Variants in DCUN1D2 observed in about 807,000 individuals in gnomAD.
DCUN1D2 encodes the protein defective in cullin neddylation 1 domain containing 2.
A neutral mutation model predicts 30.9 loss-of-function variants in DCUN1D2; 29 were observed. The ratio of observed to expected loss-of-function variants is 0.94; its 90% CI spans 0.70 to 1.28. The LOEUF (loss-of-function observed/expected upper bound fraction) is 1.28, where lower values mean the gene tolerates loss of function less well. Ranked by LOEUF, DCUN1D2 falls within the 50% of genes most tolerant of loss-of-function variation. DCUN1D2 has a pLI of 0.00. For synonymous variants in DCUN1D2, 121 were observed against 115.3 expected (o/e 1.05, Z -0.32); for missense variants, 325 against 316.9 (o/e 1.03, Z -0.19).
intron 3 of DCUN1D2, among the ~76,000 whole-genome samples, chr13:113,476,904 C>T (rs550463661): frequency 2.6e-5 from 4 of 152,208 alleles, no homozygotes; most frequent in East Asian, 1.9e-4. Context: ...ATTGAAAAAC[C>T]GTCTTTCTCC....
intron 2 of DCUN1D2, among the ~76,000 whole-genome samples, chr13:113,483,202 G>A (rs2044740004): frequency 6.6e-6 from 1 of 152,084 alleles, no homozygotes; most frequent in Non-Finnish European, 1.5e-5. Context: ...TGCTCATCAC[G>A]GCAGTCTCAG....
intron 6 of DCUN1D2, 29 bp downstream of exon 6, chr13:113,459,283 T>A: frequency 8.0e-7 from 1 of 1,246,944 alleles, no homozygotes; most frequent in Non-Finnish European, 1.2e-6. Context: ...AGCATTTCGG[T>A]CAATCATCTG....
rs541188937 is a variant in DCUN1D2, at chr13:113,469,508, C to T, written c.520+4616G>A. Among the ~76,000 whole-genome samples, 15 of 151,892 alleles carry T rather than the reference C, an allele frequency of 9.9e-5. No individual in the cohort carries two copies. In the East Asian group the frequency reaches 2.3e-3, roughly 24 times the overall value. The stretch of plus-strand genomic sequence containing the variant: ...CAGCCCGGGCAACACAGTAAAACTC[C>T]GTCCCTCCAAAAAAAGTTTAAAAAT... On this transcript the variant is annotated intron_variant, in intron 4 of 6. Coordinates refer to ENST00000478244, the MANE Select transcript of DCUN1D2 (RefSeq NM_001014283.2).
intron 3 of DCUN1D2, among the ~76,000 whole-genome samples, chr13:113,477,171 TAAAC>T (rs1409417138): frequency 1.3e-5 from 2 of 152,222 alleles, no homozygotes; most frequent in Admixed American, 1.3e-4. Flanking sequence ...AAATTACACA[TAAAC>T]AAACCCACTA....
intron 4 of DCUN1D2, 78 bp downstream of exon 4, chr13:113,474,046 C>T: frequency 6.5e-7 from 1 of 1,543,878 alleles, no homozygotes; most frequent in Admixed American, 1.8e-5. Context: ...CAGTTGGCTG[C>T]ACAAAAATCA....
chr13:113,469,923 T>C (rs551706196), intron 4 of DCUN1D2, among the ~76,000 whole-genome samples: 1 of 151,810 alleles, frequency 6.6e-6, no homozygotes, highest in East Asian at 1.9e-4. Context: ...AAACAAAACA[T>C]GAAACACCAC....
At chr13:113,461,517 A>G (rs1163763449) in intron 4 of DCUN1D2, among the ~76,000 whole-genome samples, 1 of 152,228 alleles carries the variant, frequency 6.6e-6, no homozygotes, top group Non-Finnish European at 1.5e-5. Flanking sequence ...CGAACTGCAA[A>G]TCAAAGGACC....
At chr13:113,484,311 T>C (rs2044764092) in intron 1 of DCUN1D2, 4 of 643,326 alleles carry the variant, frequency 6.2e-6, no homozygotes, top group East Asian at 8.3e-5. Flanking sequence ...CAGTTCACTC[T>C]GCATGAAGTG....
chr13:113,464,448 C>T (rs2044369075), intron 4 of DCUN1D2, among the ~76,000 whole-genome samples: 1 of 152,242 alleles, frequency 6.6e-6, no homozygotes, highest in African/African-American at 2.4e-5. Context: ...TACTGACCTT[C>T]CTTGAAACAT....
At chr13:113,471,546 A>G (rs2044515874) in intron 4 of DCUN1D2, among the ~76,000 whole-genome samples, 1 of 152,250 alleles carries the variant, frequency 6.6e-6, no homozygotes, top group Admixed American at 6.5e-5. Context: ...AACACTCAGC[A>G]GCATATATGA....
chr13:113,460,644 G>A (rs755617946), intron 5 of DCUN1D2, among the ~76,000 whole-genome samples: 1 of 152,220 alleles, frequency 6.6e-6, no homozygotes, highest in Non-Finnish European at 1.5e-5. Flanking sequence ...CATACAATCC[G>A]CAGTTCCGGA....
At position 113,484,051 on chromosome 13, in the gene DCUN1D2, C is replaced by T. The variant is rs2044759228; in HGVS notation, c.9G>A (p.Lys3=). MH[K]LKSSQKDKVR... The stretch of plus-strand genomic sequence containing the variant: ...CCTTGTCCTTCTGAGACGATTTAAG[C>T]TTATGCTTTGGGATGCAAAAGAAGT... Residue 3 remains lysine (K), a synonymous_variant, in exon 2 of 7, where the codon AAG becomes AAA. Coordinates refer to ENST00000478244, the MANE Select transcript of DCUN1D2 (RefSeq NM_001014283.2). 6.2e-7 allele frequency: 1 copy of T among 1,613,616 alleles called. No individual in the cohort carries two copies. The highest frequency in any genetic ancestry group is 8.5e-7 in the Non-Finnish European group (1 of 1,179,946).
intron 4 of DCUN1D2, among the ~76,000 whole-genome samples, chr13:113,463,655 T>C (rs2044354466): frequency 6.6e-6 from 1 of 152,170 alleles, no homozygotes; most frequent in African/African-American, 2.4e-5. Flanking sequence ...TCCTCTCTAT[T>C]AGGTTAACCG....
At chr13:113,472,992 C>G (rs1468437016) in intron 4 of DCUN1D2, among the ~76,000 whole-genome samples, 1 of 142,366 alleles carries the variant, frequency 7.0e-6, no homozygotes, top group East Asian at 2.3e-4. Context: ...TCCCCCCGTG[C>G]CTCTGTCCCT....
chr13:113,483,998 G>A lies in DCUN1D2; in HGVS notation c.62C>T (p.Ala21Val). The A allele has an allele frequency of 6.2e-7, 1 of 1,614,200 alleles. No homozygotes were observed. Among genetic ancestry groups the A allele is most frequent in the Non-Finnish European group, 8.5e-7 (1 of 1,180,052 alleles). Residue 21 changes from alanine (A) to valine (V), a missense_variant, in exon 2 of 7, where the codon GCT becomes GTT. Ala to Val is a moderately conservative substitution (Grantham distance 64). Coordinates refer to ENST00000478244, the MANE Select transcript of DCUN1D2 (RefSeq NM_001014283.2). ...GCAGTAGATAGCAGTTCTCTCGCCA[G>A]CCTGAGTGCACGCCATAAACTGGCG... ...KVRQFMACTQ[A>V]GERTAIYCLT...
intron 4 of DCUN1D2, chr13:113,462,885 G>C (rs1323418100): frequency 8.0e-7 from 1 of 1,255,872 alleles, no homozygotes; most frequent in African/African-American, 1.6e-5. Context: ...GAGAAATGGA[G>C]GTGAACCTGG....
At chr13:113,464,139 G>A (rs996875383) in intron 4 of DCUN1D2, among the ~76,000 whole-genome samples, 14 of 152,164 alleles carry the variant, frequency 9.2e-5, no homozygotes, top group African/African-American at 3.4e-4. Context: ...GGAGGCTATT[G>A]TTTTCTTTAA....
intron 4 of DCUN1D2, chr13:113,463,030 C>T (rs1029636872): frequency 5.2e-5 from 12 of 230,206 alleles, no homozygotes; most frequent in Admixed American, 5.0e-4. Context: ...TAAATATATG[C>T]TTTTTCAATA....
chr13:113,483,933 T>C lies in DCUN1D2; in HGVS notation c.127A>G (p.Ser43Gly). Residue 43 changes from serine to glycine, a missense_variant, in exon 2 of 7, where the codon AGC becomes GGC. By Grantham distance (56) the Ser-to-Gly change is moderately conservative. Coordinates refer to ENST00000478244, the MANE Select transcript of DCUN1D2 (RefSeq NM_001014283.2). ...AGCGAGTCTGGGTTTTGGAAGAAGC[T>C]GTCCGTGGCCTCGTCTAGTCTCCAC... ...NEWRLDEATD[S>G]FFQNPDSLHR... The C allele has an allele frequency of 1.2e-6, 2 of 1,614,144 alleles. No individual in the cohort carries two copies. The highest frequency in any genetic ancestry group is 1.7e-6 in the Non-Finnish European group (2 of 1,180,052).
Sources: gnomAD v4.1 joint callset for allele counts (sites outside exome capture counted in the v4.1 genomes callset) on GRCh38, gnomAD v4.1.1 for gene constraint, MANE v1.5 for transcripts, NCBI Gene and HGNC (gene_info 2026-07-23, HGNC 2026-07-21) for gene names.